The following AGAP1 variants were observed in gnomAD, a reference collection of about 807,000 sequenced individuals.
AGAP1 encodes the protein arf-GAP with GTPase, ANK repeat and PH domain-containing protein 1.
AGAP1 carries 29 observed loss-of-function variants against 105.3 expected under a neutral mutation model. The ratio of observed to expected loss-of-function variants is 0.28; its 90% CI spans 0.21 to 0.38. The LOEUF (loss-of-function observed/expected upper bound fraction) is 0.38, where lower values mean the gene tolerates loss of function less well. Among genes scored for constraint, AGAP1 ranks in the 10% least tolerant of loss-of-function variants. AGAP1 has a pLI of 1.00. For synonymous variants in AGAP1, 509 were observed against 485.9 expected (o/e 1.05, Z -0.63); for missense variants, 998 against 1,165.1 (o/e 0.86, Z 2.09).
At chr2:235,858,007 T>TA (rs2048760185) in intron 9 of AGAP1, among the ~76,000 whole-genome samples, 1 of 152,140 alleles carries the variant, frequency 6.6e-6, no homozygotes, top group Non-Finnish European at 1.5e-5. Context: ...GTTTATGAGA[T>TA]ACACCATGAC....
At chr2:235,880,622 C>CAG (rs2049971483) in intron 9 of AGAP1, among the ~76,000 whole-genome samples, 1 of 151,958 alleles carries the variant, frequency 6.6e-6, no homozygotes, top group African/African-American at 2.4e-5. Context: ...TGCCTGTAAT[C>CAG]CCAGCTACTC....
rs780037180 is a variant in AGAP1, at chr2:235,551,767, T to C, written c.163+56918T>C. 4.9e-4 allele frequency among the ~76,000 whole-genome samples: 74 copies of C among 152,184 alleles called. No individual in the cohort carries two copies. The highest frequency in any genetic ancestry group is 4.3e-4 in the Non-Finnish European group (29 of 68,036). ...CAAACCCTAAAAGACTTTCTCTGAA[T>C]GTTACCTTTGCTCTTCACCTTGACT... On this transcript the variant is annotated intron_variant, in intron 1 of 17. Transcript: ENST00000304032. This position sits in a 1 kb window ranked among gnomAD's most constrained non-coding sequence, Gnocchi z 4.8.
rs940814513 is a variant in AGAP1, at chr2:236,044,687, A to T, written c.1891+3846A>T. 6.6e-6 allele frequency among the ~76,000 whole-genome samples: 1 copy of T among 151,954 alleles called. No individual in the cohort carries two copies. The highest frequency in any genetic ancestry group is 1.5e-5 in the Non-Finnish European group (1 of 68,000). On this transcript the variant is annotated intron_variant, in intron 15 of 17. Coordinates refer to ENST00000304032, the MANE Select transcript of AGAP1 (RefSeq NM_001037131.3). This position sits in a 1 kb window ranked among gnomAD's most constrained non-coding sequence, Gnocchi z 5.7. ...GCTCTCATCTTTAGCTTGGCCCACAAATAGAACCTCCGGTCCCGCAACGTC... is the reference window on the plus strand; with the variant it reads ...GCTCTCATCTTTAGCTTGGCCCACATATAGAACCTCCGGTCCCGCAACGTC...
intron 16 of AGAP1, among the ~76,000 whole-genome samples, chr2:236,063,681 G>T (rs562953486): frequency 9.8e-4 from 150 of 152,316 alleles, no homozygotes; most frequent in Non-Finnish European, 1.7e-3. Context: ...CTTTGTGACT[G>T]GGTCACTGGG....
At chr2:235,647,936 C>A (rs1271937899) in intron 1 of AGAP1, among the ~76,000 whole-genome samples, 1 of 152,028 alleles carries the variant, frequency 6.6e-6, no homozygotes, top group Non-Finnish European at 1.5e-5. Flanking sequence ...CAGATTGTCA[C>A]CATTTCAGAG....
intron 6 of AGAP1, among the ~76,000 whole-genome samples, chr2:235,796,431 C>T (rs1957245870): frequency 6.6e-6 from 1 of 152,052 alleles, no homozygotes; most frequent in South Asian, 2.1e-4. Flanking sequence ...ACATGATTAG[C>T]TGATGAAGGT....
chr2:235,803,720 T>C (rs936671225), intron 8 of AGAP1, among the ~76,000 whole-genome samples: 1 of 152,394 alleles, frequency 6.6e-6, no homozygotes, highest in South Asian at 2.1e-4. Flanking sequence ...TATATTCATA[T>C]ACAATTTTTA....
intron 13 of AGAP1, among the ~76,000 whole-genome samples, chr2:236,015,768 G>A (rs1037778960): frequency 1.3e-5 from 2 of 152,052 alleles, no homozygotes; most frequent in African/African-American, 2.4e-5. Context: ...TCGCAAGCTC[G>A]TGCCCTAACA....
chr2:235,496,079 C>T (rs565740656), intron 1 of AGAP1, among the ~76,000 whole-genome samples: 1 of 152,296 alleles, frequency 6.6e-6, no homozygotes, highest in African/African-American at 2.4e-5. Context: ...CTACTAACCC[C>T]GAAGTGCTTT....
At position 235,963,208 on chromosome 2, in the gene AGAP1, A is replaced by G. The variant is rs1260877906; in HGVS notation, c.1484-5254A>G. ...GAATTATAAATATTGCAAGATATGG[A>G]GAAAGCTTAGAAATGAGAGGGCCCT... is the stretch of plus-strand genomic sequence containing the variant. On this transcript the variant is annotated intron_variant, in intron 12 of 17. Transcript: ENST00000304032. The surrounding 1 kb of genome is among the most constrained non-coding windows in gnomAD (Gnocchi z 5.1). Among the ~76,000 whole-genome samples the G allele has an allele frequency of 2.0e-5, 3 of 152,184 alleles. No homozygotes were observed. The highest frequency in any genetic ancestry group is 4.4e-5 in the Non-Finnish European group (3 of 68,044).
At chr2:235,516,148 C>G (rs890120107) in intron 1 of AGAP1, among the ~76,000 whole-genome samples, 16 of 152,068 alleles carry the variant, frequency 1.1e-4, no homozygotes, top group African/African-American at 3.9e-4. Flanking sequence ...TGCTCCCCGA[C>G]TTCATGGTTG....
rs980035902 is a variant in AGAP1 at position 236,000,402 on chromosome 2, T to C, written c.1645+31779T>C. 6.6e-6 allele frequency among the ~76,000 whole-genome samples: 1 copy of C among 152,162 alleles called. No homozygotes were observed. The highest frequency in any genetic ancestry group is 2.4e-5 in the African/African-American group (1 of 41,452). On this transcript the variant is annotated intron_variant, in intron 13 of 17. Transcript: ENST00000304032. The surrounding 1 kb of genome is among the most constrained non-coding windows in gnomAD (Gnocchi z 4.3). Reference sequence around the variant, plus strand: ...AACCTGTCAATGGCATTGAGGACTTTCTGTACAAAAATCACTACGCGTGAC... The same window carrying C: ...AACCTGTCAATGGCATTGAGGACTTCCTGTACAAAAATCACTACGCGTGAC...
Position 235,639,494 on chromosome 2 carries a change from T to C in AGAP1, c.164-69685T>C, listed in dbSNP as rs545401830. Among the ~76,000 whole-genome samples, 5 of 152,234 alleles carry C rather than the reference T, an allele frequency of 3.3e-5. No individual in the cohort carries two copies. The South Asian group carries it at 1.0e-3, about 32-fold the overall frequency. On this transcript the variant is annotated intron_variant, in intron 1 of 17. Coordinates refer to ENST00000304032, the MANE Select transcript of AGAP1 (RefSeq NM_001037131.3). The surrounding 1 kb of genome is among the most constrained non-coding windows in gnomAD (Gnocchi z 5.3). ...GGCCAGAGCTGTTGCTCAGCGACTG[T>C]TGGCTGGTGAGGATGAGGCTCATGA...
At chr2:236,070,171 A>T (rs1259361140) in intron 16 of AGAP1, among the ~76,000 whole-genome samples, 1 of 152,140 alleles carries the variant, frequency 6.6e-6, no homozygotes, top group South Asian at 2.1e-4. Context: ...CCCTCCCCAG[A>T]CTCAGTTTCC....
At chr2:235,913,108 T>C (rs2051699358) in intron 11 of AGAP1, among the ~76,000 whole-genome samples, 1 of 152,230 alleles carries the variant, frequency 6.6e-6, no homozygotes, top group Non-Finnish European at 1.5e-5. Flanking sequence ...TTCCCTCTTT[T>C]TTATTTATAA....
In AGAP1 at chr2:235,692,285, G is replaced by A. The variant is rs189425477; in HGVS notation, c.164-16894G>A. ...TCTGGCCTCGCCTCTGTAACAGAAC[G>A]TGGCCCCTGCCTTCCATCTTCCCCA... is the stretch of plus-strand genomic sequence containing the variant. On this transcript the variant is annotated intron_variant, in intron 1 of 17. Coordinates refer to ENST00000304032, the MANE Select transcript of AGAP1 (RefSeq NM_001037131.3). The surrounding 1 kb of genome is among the most constrained non-coding windows in gnomAD (Gnocchi z 5.8). Among the ~76,000 whole-genome samples, 32 of 152,236 alleles carry A rather than the reference G, an allele frequency of 2.1e-4. No homozygotes were observed. Among genetic ancestry groups the A allele is most frequent in the African/African-American group, 6.3e-4 (26 of 41,552 alleles).
intron 13 of AGAP1, among the ~76,000 whole-genome samples, chr2:236,017,215 C>T (rs971177939): frequency 6.6e-6 from 1 of 151,544 alleles, no homozygotes; most frequent in African/African-American, 2.4e-5. Flanking sequence ...ATCGCTTGAA[C>T]CCAGGAGGCG....
At chr2:235,715,100 T>C (rs1359166605) in intron 2 of AGAP1, among the ~76,000 whole-genome samples, 2 of 152,176 alleles carry the variant, frequency 1.3e-5, no homozygotes, top group Non-Finnish European at 2.9e-5. Context: ...CCCAGCCCTG[T>C]GTTTGTTCTT....
intron 10 of AGAP1, among the ~76,000 whole-genome samples, chr2:235,907,715 T>C (rs1414248939): frequency 6.6e-6 from 1 of 152,222 alleles, no homozygotes; most frequent in African/African-American, 2.4e-5. Context: ...GTTCCTTATA[T>C]AATACAGCAT....
Sources: gnomAD v4.1 joint callset for allele counts (sites outside exome capture counted in the v4.1 genomes callset) on GRCh38, gnomAD v4.1.1 for gene constraint, Gnocchi (gnomAD v3.1) non-coding constraint, MANE v1.5 for transcripts, NCBI Gene and HGNC (gene_info 2026-07-23, HGNC 2026-07-21) for gene names.